The following BAHCC1 variants were observed in gnomAD, a reference collection of about 807,000 sequenced individuals.
BAHCC1 encodes the protein BAH domain and coiled-coil containing 1.
Under a neutral mutation model 88.2 loss-of-function variants are expected in BAHCC1, and 43 were observed. The ratio of observed to expected loss-of-function variants is 0.49; its 90% confidence interval spans 0.38 to 0.63. BAHCC1 has a LOEUF of 0.63. Ranked by LOEUF, BAHCC1 falls within the 20% of genes least tolerant of loss-of-function variation. BAHCC1 has a pLI of 0.00. For synonymous variants in BAHCC1, 1,510 were observed against 745.5 expected, an observed-to-expected ratio of 2.03 and a Z score of -16.71; for missense variants, 3,023 against 1,654.8, an observed-to-expected ratio of 1.83 and a Z score of -14.34.
At position 81,458,658 on chromosome 17, in the gene BAHCC1, G is replaced by T; in HGVS notation, c.5381G>T (p.Arg1794Leu). Reference sequence around the variant, plus strand: ...GCCCTGTCCATCACGCTGGCCACACGCAACGCCAAGGCCATCCTGGGGAAG... The same window carrying T: ...GCCCTGTCCATCACGCTGGCCACACTCAACGCCAAGGCCATCCTGGGGAAG... ...NGALSITLAT[R>L]NAKAILGKGR... The change falls in exon 19 of 28, where the codon CGC becomes CTC. Residue 1794 changes from arginine (R) to leucine (L), a missense_variant. Coordinates refer to ENST00000675386, the MANE Select transcript of BAHCC1 (RefSeq NM_001377448.1). 1 of 721,060 alleles carries T rather than the reference G, an allele frequency of 1.4e-6. No homozygotes were observed. Among genetic ancestry groups the T allele is most frequent in the Non-Finnish European group, 2.6e-6 (1 of 387,274 alleles). The allele number at this position is 721,060 out of a possible 1,614,324, so 44.7% of individuals were successfully genotyped here.
In BAHCC1 at chr17:81,447,547, C is replaced by T. The variant is rs369730574; in HGVS notation, c.3675C>T (p.Asp1225=). ...GGGAGCAGCCGGCCCCTGAGGAGGA[C>T]GAGCTGGAGGAAGACGAGCTGGGGC... is the stretch of plus-strand genomic sequence containing the variant. The part of the protein sequence containing the change: ...DEGEQPAPEE[D]ELEEDELGQQ... Residue 1225 remains aspartate (D), a synonymous_variant, in exon 11 of 28, where the codon GAC becomes GAT. Transcript: ENST00000675386. 6.6e-5 allele frequency: 50 copies of T among 757,154 alleles called. No individual in the cohort carries two copies. Among genetic ancestry groups the T allele is most frequent in the Admixed American group, 1.6e-4 (9 of 55,202 alleles). The allele number at this position is 757,154 out of a possible 1,614,324, so 46.9% of individuals were successfully genotyped here.
At position 81,459,511 on chromosome 17, in the gene BAHCC1, C is replaced by T; in HGVS notation, c.5812C>T (p.Pro1938Ser). The T allele has an allele frequency of 1.3e-6, 1 of 779,422 alleles. No individual in the cohort carries two copies. The highest frequency in any genetic ancestry group is 2.4e-6 in the Non-Finnish European group (1 of 417,856). 48.3% of individuals were successfully genotyped at this position (779,422 alleles called of 1,614,324 possible). The change falls in exon 23 of 28, where the codon CCA (proline) becomes TCA (serine). Residue 1938 changes from proline to serine, a missense_variant. By Grantham distance (74) the Pro-to-Ser change is moderately conservative (BLOSUM62 -1). Transcript: ENST00000675386. ...LLQEAVLDVR[P>S]QSSRYLPPGT... ...GTTCCTGCAGGTTCTCGATGTGCGG[C>T]CACAGTCCAGCCGGTACCTCCCGCC... is the stretch of plus-strand genomic sequence containing the variant.
chr17:81,434,462 G>A lies in BAHCC1; in HGVS notation c.359-3908G>A, dbSNP rs550068489. 2.6e-5 allele frequency among the ~76,000 whole-genome samples: 4 copies of A among 152,310 alleles called. No homozygotes were observed. In the East Asian group the frequency reaches 7.7e-4, roughly 29 times the overall value. On this transcript the variant is annotated intron_variant, in intron 3 of 27. Coordinates refer to ENST00000675386, the MANE Select transcript of BAHCC1 (RefSeq NM_001377448.1). The surrounding 1 kb of genome is among the most constrained non-coding windows in gnomAD (Gnocchi z 4.9). ...GCTGTAGAAGGTTTTGTCCTCAAAG[G>A]CGTGCGGGCTGGGGCAGGGCGCTCG...
intron 3 of BAHCC1, among the ~76,000 whole-genome samples, chr17:81,427,573 C>T (rs1352719174): frequency 2.0e-5 from 3 of 152,164 alleles, no homozygotes; most frequent in African/African-American, 4.8e-5. Context: ...CTGGCCTTTC[C>T]GTGGCAGGGC....
chr17:81,464,000 T>G lies in BAHCC1; in HGVS notation c.*183T>G, dbSNP rs1409357617. ...TTTTCCCTGGAAAGAGCGCTCCAGG[T>G]GTCGGAATCCAGTCCCGTCCCATCC... On this transcript the variant is annotated 3_prime_UTR_variant, in exon 28 of 28. Coordinates refer to ENST00000675386, the MANE Select transcript of BAHCC1 (RefSeq NM_001377448.1). 1.6e-6 allele frequency: 1 copy of G among 606,336 alleles called. No homozygotes were observed. Among genetic ancestry groups the G allele is most frequent in the African/African-American group, 1.8e-5 (1 of 54,176 alleles). 37.6% of individuals were successfully genotyped at this position (606,336 alleles called of 1,614,324 possible).
At chr17:81,436,105 C>G (rs1283674144) in intron 3 of BAHCC1, among the ~76,000 whole-genome samples, 1 of 152,068 alleles carries the variant, frequency 6.6e-6, no homozygotes, top group Non-Finnish European at 1.5e-5. Flanking sequence ...CTCCCCGCCC[C>G]TCCATCCCAT....
intron 3 of BAHCC1, among the ~76,000 whole-genome samples, chr17:81,433,615 C>T (rs1598478894): frequency 6.7e-6 from 1 of 149,446 alleles, no homozygotes; most frequent in Non-Finnish European, 1.5e-5. Context: ...GGGCAGGTGT[C>T]ATCAGTCCAC....
chr17:81,460,761 G>C, intron 25 of BAHCC1, 55 bp downstream of exon 25: 1 of 775,378 alleles, frequency 1.3e-6, no homozygotes, highest in Non-Finnish European at 2.4e-6. Context: ...TCTGGGGGCT[G>C]GGGGAACCAG....
chr17:81,425,440 T>TA (rs2064173928), intron 2 of BAHCC1, among the ~76,000 whole-genome samples: 2 of 55,928 alleles, frequency 3.6e-5, no homozygotes, highest in South Asian at 5.6e-4. Context: ...TTGGTGGTGA[T>TA]GTGGTTGGGG....
At chr17:81,450,614 A>T (rs782045033) in intron 11 of BAHCC1, among the ~76,000 whole-genome samples, 2 of 152,308 alleles carry the variant, frequency 1.3e-5, no homozygotes, top group South Asian at 4.1e-4. Context: ...AGCGTGCTGG[A>T]AAGGGCTTGG....
At position 81,447,557 on chromosome 17, in the gene BAHCC1, G is replaced by A; in HGVS notation, c.3685G>A (p.Glu1229Lys). Residue 1229 changes from glutamate (E) to lysine (K), a missense_variant, in exon 11 of 28, where the codon GAA becomes AAA. Coordinates refer to ENST00000675386, the MANE Select transcript of BAHCC1 (RefSeq NM_001377448.1). ...GGCCCCTGAGGAGGACGAGCTGGAGGAAGACGAGCTGGGGCAGCAGAGCAT... is the reference window on the plus strand; with the variant it reads ...GGCCCCTGAGGAGGACGAGCTGGAGAAAGACGAGCTGGGGCAGCAGAGCAT... ...QPAPEEDELE[E>K]DELGQQSMED... 1 of 757,524 alleles carries A rather than the reference G, an allele frequency of 1.3e-6. No individual in the cohort carries two copies. The highest frequency in any genetic ancestry group is 2.5e-5 in the East Asian group (1 of 40,252). 46.9% of individuals were successfully genotyped at this position (757,524 alleles called of 1,614,324 possible).
chr17:81,445,745 C>A lies in BAHCC1; in HGVS notation c.3163+64C>A. On this transcript the variant is annotated intron_variant, in intron 10 of 27. Coordinates refer to ENST00000675386, the MANE Select transcript of BAHCC1 (RefSeq NM_001377448.1). ...TCCAAGCCCTCCCACCCCTGCCCGG[C>A]AGGGCTGCGCTGAATCCGGGCTGCC... 4.4e-6 allele frequency: 3 copies of A among 683,870 alleles called. No individual in the cohort carries two copies. The South Asian group carries it at 4.7e-5, about 11-fold the overall frequency. The allele number at this position is 683,870 out of a possible 1,614,324, so 42.4% of individuals were successfully genotyped here.
chr17:81,434,799 G>C lies in BAHCC1; in HGVS notation c.359-3571G>C, dbSNP rs371441180. 2.0e-5 allele frequency among the ~76,000 whole-genome samples: 3 copies of C among 152,082 alleles called. No individual in the cohort carries two copies. The highest frequency in any genetic ancestry group is 2.0e-4 in the Admixed American group (3 of 15,284). ...TCTGGCAAGAGGAGGAAGGCGCAGG[G>C]CTGGCCTGGAGAGGGCAGGGCCTCG... On this transcript the variant is annotated intron_variant, in intron 3 of 27. Transcript: ENST00000675386. This position sits in a 1 kb window ranked among gnomAD's most constrained non-coding sequence, Gnocchi z 4.9.
intron 14 of BAHCC1, among the ~76,000 whole-genome samples, chr17:81,454,984 C>G (rs1473874087): frequency 1.3e-5 from 2 of 152,214 alleles, no homozygotes; most frequent in Non-Finnish European, 2.9e-5. Flanking sequence ...GAAGCGTGCC[C>G]ACTTCCAGTA....
chr17:81,406,828 C>G (rs2063886322), intron 2 of BAHCC1: 1 of 452,770 alleles, frequency 2.2e-6, no homozygotes, highest in Admixed American at 2.4e-5. Flanking sequence ...GGGTTTGCAG[C>G]GAGCCTCGGG....
At chr17:81,424,948 G>A (rs540285040) in intron 2 of BAHCC1, among the ~76,000 whole-genome samples, 11 of 150,708 alleles carry the variant, frequency 7.3e-5, no homozygotes, top group East Asian at 4.0e-4. Context: ...ATAGTGGTGG[G>A]TGATGTGGTT....
intron 3 of BAHCC1, among the ~76,000 whole-genome samples, chr17:81,433,727 G>A (rs116563040): frequency 0.013 from 1,985 of 152,100 alleles, 50 homozygotes; most frequent in African/African-American, 0.044. Context: ...CCTGTGCCCC[G>A]GGCAGGTGTC....
chr17:81,449,810 A>C (rs2064600875), intron 11 of BAHCC1, among the ~76,000 whole-genome samples: 1 of 151,376 alleles, frequency 6.6e-6, no homozygotes, highest in Non-Finnish European at 1.5e-5. Context: ...CCCTCCGAGC[A>C]CCTCCTGGCT....
In BAHCC1 at chr17:81,445,506, G is replaced by A. The variant is rs370417065; in HGVS notation, c.2988G>A (p.Pro996=). 33 of 741,302 alleles carry A rather than the reference G, an allele frequency of 4.5e-5. No homozygotes were observed. Among genetic ancestry groups the A allele is most frequent in the Middle Eastern group, 2.9e-4 (1 of 3,432 alleles). The allele number at this position is 741,302 out of a possible 1,614,324, so 45.9% of individuals were successfully genotyped here. A position where few individuals can be genotyped will look rare whatever the true frequency, so the allele number is the denominator to read the frequency against. The change falls in exon 10 of 28, where the codon CCG becomes CCA. Residue 996 remains proline (P), a synonymous_variant. Transcript: ENST00000675386. ...GPTKLPPCCH[P]PDPKPPASSP... is the part of the protein sequence containing the mutation. ...CCAAGCTGCCACCTTGCTGCCATCC[G>A]CCCGACCCAAAGCCCCCCGCCAGCT...
Sources: gnomAD v4.1 joint callset for allele counts (sites outside exome capture counted in the v4.1 genomes callset) on GRCh38, gnomAD v4.1.1 for gene constraint, Gnocchi (gnomAD v3.1) non-coding constraint, MANE v1.5 for transcripts, NCBI Gene and HGNC (gene_info 2026-07-23, HGNC 2026-07-21) for gene names.